LRP1B: variants seen among roughly 807,000 people sequenced by gnomAD.
LRP1B encodes the protein LDL receptor related protein 1B.
In LRP1B, 217 loss-of-function variants were observed where a neutral mutation model predicts 556.6. The ratio of observed to expected loss-of-function variants is 0.39; its 90% CI spans 0.35 to 0.44. LRP1B has a LOEUF of 0.44. Among genes scored for constraint, LRP1B ranks in the 20% least tolerant of loss-of-function variants. The pLI is 1.00. For synonymous variants in LRP1B, 2,047 were observed against 1,865.8 expected, an observed-to-expected ratio of 1.10 and a Z score of -2.50; for missense variants, 5,053 against 5,620.8, an observed-to-expected ratio of 0.90 and a Z score of 3.23.
chr2:141,105,140 T>C (rs768141501), intron 7 of LRP1B, among the ~76,000 whole-genome samples: 3 of 152,090 alleles, frequency 2.0e-5, no homozygotes, highest in Admixed American at 6.6e-5. Flanking sequence ...TGGAATTGTA[T>C]TTCATATAGC....
intron 66 of LRP1B, among the ~76,000 whole-genome samples, chr2:140,435,718 G>A (rs747694938): frequency 6.6e-6 from 1 of 151,488 alleles, no homozygotes; most frequent in African/African-American, 2.4e-5. Flanking sequence ...ATATCCTTTT[G>A]GTGGAGAGTC....
chr2:140,883,753 C>A (rs1367649406), intron 25 of LRP1B, 64 bp downstream of exon 25: 38 of 1,216,824 alleles, frequency 3.1e-5, no homozygotes, highest in Non-Finnish European at 4.1e-5. Flanking sequence ...TAATTAAATT[C>A]AATGTTAAAT....
At chr2:141,113,431 T>C (rs1239725065) in intron 7 of LRP1B, among the ~76,000 whole-genome samples, 1 of 152,196 alleles carries the variant, frequency 6.6e-6, no homozygotes, top group African/African-American at 2.4e-5. Context: ...CAATGCTGAA[T>C]AAAGGTTCTT....
At chr2:140,254,517 CT>C (rs1321522382) in intron 86 of LRP1B, among the ~76,000 whole-genome samples, 1 of 151,844 alleles carries the variant, frequency 6.6e-6, no homozygotes, top group Non-Finnish European at 1.5e-5. Context: ...TCCAAGATTT[CT>C]TTTTTTGTTT....
chr2:141,310,621 A>G (rs1326958087), intron 3 of LRP1B, among the ~76,000 whole-genome samples: 1 of 152,170 alleles, frequency 6.6e-6, no homozygotes, highest in Admixed American at 6.5e-5. Context: ...TCAGACACAA[A>G]TACACATATG....
At chr2:140,707,305 G>A (rs1418574930) in intron 37 of LRP1B, among the ~76,000 whole-genome samples, 3 of 152,058 alleles carry the variant, frequency 2.0e-5, no homozygotes, top group African/African-American at 4.8e-5. Flanking sequence ...CTCTTATGTC[G>A]GCAGTTGGCC....
At chr2:141,201,230 T>C (rs1487110095) in intron 6 of LRP1B, among the ~76,000 whole-genome samples, 1 of 152,110 alleles carries the variant, frequency 6.6e-6, no homozygotes, top group East Asian at 1.9e-4. Flanking sequence ...TGAGTAAAAA[T>C]GGCTAAGAAA....
chr2:141,017,449 A>G (rs1038272396), intron 12 of LRP1B, among the ~76,000 whole-genome samples: 14 of 148,698 alleles, frequency 9.4e-5, no homozygotes, highest in Non-Finnish European at 1.6e-4. Flanking sequence ...TCACACATAC[A>G]TGTGCCTGTG....
intron 1 of LRP1B, among the ~76,000 whole-genome samples, chr2:141,973,563 T>C (rs78493903): frequency 0.032 from 4,885 of 151,898 alleles, 253 homozygotes; most frequent in African/African-American, 0.11. Context: ...GTTTCAAGCA[T>C]TGTGATAGGC....
intron 2 of LRP1B, among the ~76,000 whole-genome samples, chr2:141,519,520 C>T (rs770050492): frequency 6.6e-6 from 1 of 151,352 alleles, no homozygotes; most frequent in Non-Finnish European, 1.5e-5. Context: ...TATGCCATGT[C>T]AAGATAGCAT....
chr2:142,124,090 G>C lies in LRP1B; in HGVS notation c.82+6558C>G, dbSNP rs916322587. On this transcript the variant is annotated intron_variant, in intron 1 of 90. Coordinates refer to ENST00000389484, the MANE Select transcript of LRP1B (RefSeq NM_018557.3). Reference sequence around the variant, plus strand: ...GGTACATGTGAAGGTTTGTTACATAGGTAAACATGTGTAACAAGGGTTTGT... The same window carrying C: ...GGTACATGTGAAGGTTTGTTACATACGTAAACATGTGTAACAAGGGTTTGT... 9.2e-5 allele frequency among the ~76,000 whole-genome samples: 14 copies of C among 151,848 alleles called. No homozygotes were observed. The East Asian group carries it at 2.7e-3, about 29-fold the overall frequency.
chr2:141,062,419 T>G, intron 7 of LRP1B, 146 bp from the exon 8 acceptor site: 2 of 600,678 alleles, frequency 3.3e-6, no homozygotes, highest in South Asian at 4.1e-5. Flanking sequence ...CCTTATAATA[T>G]CACTCATAAA....
intron 1 of LRP1B, among the ~76,000 whole-genome samples, chr2:141,847,833 G>A (rs1292291917): frequency 6.6e-6 from 1 of 151,510 alleles, no homozygotes; most frequent in East Asian, 1.9e-4. Context: ...TGATGCAAAT[G>A]TTTTTGTGGC....
chr2:141,467,098 ATGTGTATATATATATATATATATATC>A (rs1381853036), intron 3 of LRP1B, among the ~76,000 whole-genome samples: 3,847 of 11,990 alleles, frequency 0.32, 123 homozygotes, highest in South Asian at 0.49. Flanking sequence ...ACACATATAT[ATGTGTATATATATATATATATATATC>A]TATATATATA....
intron 2 of LRP1B, among the ~76,000 whole-genome samples, chr2:141,666,048 G>T (rs1690418322): frequency 6.6e-6 from 1 of 152,122 alleles, no homozygotes; most frequent in Non-Finnish European, 1.5e-5. Flanking sequence ...TGGGCTAATA[G>T]ATGCAGCAAA....
chr2:140,800,456 G>A (rs1392100055), intron 32 of LRP1B, among the ~76,000 whole-genome samples: 2 of 152,112 alleles, frequency 1.3e-5, no homozygotes, highest in Non-Finnish European at 2.9e-5. Flanking sequence ...AGTTAATTTA[G>A]GCTAGCTGAG....
chr2:140,926,862 T>C (rs763971578), intron 20 of LRP1B, among the ~76,000 whole-genome samples: 6 of 152,104 alleles, frequency 3.9e-5, no homozygotes, highest in Non-Finnish European at 8.8e-5. Context: ...GACCTCACAT[T>C]TCTCTGAGTG....
chr2:140,430,841 C>A (rs1369473856), intron 66 of LRP1B, among the ~76,000 whole-genome samples: 2 of 152,208 alleles, frequency 1.3e-5, no homozygotes, highest in African/African-American at 4.8e-5. Context: ...ATTCTACTAC[C>A]CCTCAGGGAT....
chr2:140,849,687 G>T (rs1376420854), intron 29 of LRP1B, among the ~76,000 whole-genome samples: 1 of 151,938 alleles, frequency 6.6e-6, no homozygotes, highest in Non-Finnish European at 1.5e-5. Context: ...TTACATGTGT[G>T]CACCACCACA....
Sources: allele counts gnomAD v4.1 joint callset (sites outside exome capture counted in the v4.1 genomes callset), GRCh38; gene constraint gnomAD v4.1.1; transcripts MANE v1.5; gene names NCBI Gene and HGNC (gene_info 2026-07-23, HGNC 2026-07-21).